SCHIP1: variants seen among roughly 807,000 people sequenced by gnomAD.
SCHIP1 encodes the protein schwannomin interacting protein 1.
SCHIP1 carries 8 observed loss-of-function variants against 29.7 expected under a neutral mutation model. The observed-to-expected ratio is 0.27, with a 90% CI of 0.16 to 0.49. SCHIP1 has a LOEUF of 0.49. Ranked by LOEUF, SCHIP1 falls within the 20% of genes least tolerant of loss-of-function variation. The pLI is 0.99. For missense variants in SCHIP1, 193 were observed against 294.6 expected, an observed-to-expected ratio of 0.66 and a Z score of 2.52; for synonymous variants, 76 against 94.9, an observed-to-expected ratio of 0.80 and a Z score of 1.16.
chr3:159,852,439 G>A (rs1488265423), intron 1 of SCHIP1, among the ~76,000 whole-genome samples: 1 of 152,170 alleles, frequency 6.6e-6, no homozygotes, highest in Non-Finnish European at 1.5e-5. Context: ...TGATGAGTGT[G>A]TGTTTGTATG....
intron 4 of SCHIP1, 81 bp from the exon 6 acceptor site, chr3:159,888,739 T>C: frequency 6.4e-7 from 1 of 1,555,490 alleles, no homozygotes; most frequent in Non-Finnish European, 8.7e-7. Flanking sequence ...GAGTGGGTCT[T>C]TTAAGAGAAA....
At chr3:159,757,102 T>C in the SCHIP1 span, among the ~76,000 whole-genome samples, 1 of 152,252 alleles carries the variant, frequency 6.6e-6, no homozygotes, top group Admixed American at 6.5e-5. Flanking sequence ...CATTTTCTGG[T>C]ATCTTTTCAG....
At chr3:159,448,703 AT>A in the SCHIP1 span, among the ~76,000 whole-genome samples, 1 of 152,182 alleles carries the variant, frequency 6.6e-6, no homozygotes, top group Non-Finnish European at 1.5e-5. Flanking sequence ...CGAAACTATC[AT>A]TTTGTAGATT....
the SCHIP1 span, among the ~76,000 whole-genome samples, chr3:159,466,875 T>G: frequency 6.6e-6 from 1 of 152,186 alleles, no homozygotes; most frequent in Non-Finnish European, 1.5e-5. Flanking sequence ...TAGCTCCAAG[T>G]TTTAAAAGTA....
At chr3:159,607,917 T>G in the SCHIP1 span, among the ~76,000 whole-genome samples, 3 of 152,184 alleles carry the variant, frequency 2.0e-5, no homozygotes, top group Non-Finnish European at 4.4e-5. Flanking sequence ...CACTTGTGGC[T>G]TAGCATGAAG....
the SCHIP1 span, among the ~76,000 whole-genome samples, chr3:159,372,741 G>T: frequency 6.6e-6 from 1 of 151,940 alleles, no homozygotes. Context: ...AATCAAAAGA[G>T]TAATAATATT....
chr3:159,473,705 G>C, the SCHIP1 span, among the ~76,000 whole-genome samples: 1 of 109,356 alleles, frequency 9.1e-6, no homozygotes, highest in Non-Finnish European at 2.0e-5. Context: ...GAAAAGAAAA[G>C]AAAAAGTAAA....
At chr3:159,609,724 C>T in the SCHIP1 span, among the ~76,000 whole-genome samples, 2 of 152,140 alleles carry the variant, frequency 1.3e-5, no homozygotes, top group African/African-American at 4.8e-5. Flanking sequence ...GCCCTACGAG[C>T]CCTGGACGAC....
At chr3:159,679,693 G>A in the SCHIP1 span, among the ~76,000 whole-genome samples, 1 of 152,072 alleles carries the variant, frequency 6.6e-6, no homozygotes, top group East Asian at 1.9e-4. Flanking sequence ...GGAGCACAGG[G>A]CTCTGGAGAA....
chr3:159,459,267 G>A, the SCHIP1 span, among the ~76,000 whole-genome samples: 1 of 151,934 alleles, frequency 6.6e-6, no homozygotes, highest in African/African-American at 2.4e-5. Flanking sequence ...TTATAATGCT[G>A]GGATCAAAGC....
the SCHIP1 span, among the ~76,000 whole-genome samples, chr3:159,753,553 A>G: frequency 3.3e-5 from 5 of 151,896 alleles, no homozygotes; most frequent in South Asian, 4.2e-4. Flanking sequence ...TAGTATTTCT[A>G]TTTCTCTCTG....
chr3:159,395,980 C>T, the SCHIP1 span, among the ~76,000 whole-genome samples: 1 of 152,054 alleles, frequency 6.6e-6, no homozygotes. Context: ...TCACTCAGGA[C>T]TTGCTTCATG....
chr3:159,737,698 G>C, the SCHIP1 span, among the ~76,000 whole-genome samples: 2 of 152,204 alleles, frequency 1.3e-5, no homozygotes, highest in African/African-American at 2.4e-5. Context: ...ATCAAACTCA[G>C]ATTTATGTGA....
intron 1 of SCHIP1, among the ~76,000 whole-genome samples, chr3:159,857,932 C>T (rs938665201): frequency 2.6e-5 from 4 of 152,186 alleles, no homozygotes; most frequent in Non-Finnish European, 5.9e-5. Context: ...GTCTTCTTGA[C>T]TCCAAATACT....
the SCHIP1 span, among the ~76,000 whole-genome samples, chr3:159,313,980 A>G: frequency 6.6e-5 from 10 of 152,212 alleles, no homozygotes; most frequent in African/African-American, 1.9e-4. Context: ...GCTGTGTCAT[A>G]TAAGGAGCCA....
chr3:159,337,407 G>T, the SCHIP1 span, among the ~76,000 whole-genome samples: 8 of 152,136 alleles, frequency 5.3e-5, no homozygotes, highest in African/African-American at 1.4e-4. Context: ...AGGTCAAATT[G>T]TCCTTGTTTG....
chr3:159,765,375 C>A, the SCHIP1 span: 10 of 474,700 alleles, frequency 2.1e-5, no homozygotes, highest in African/African-American at 2.0e-4. Context: ...CAGAGGGCAG[C>A]GGAAAGTCGG....
At chr3:159,713,291 G>GAA in the SCHIP1 span, among the ~76,000 whole-genome samples, 1 of 143,720 alleles carries the variant, frequency 7.0e-6, no homozygotes, top group Non-Finnish European at 1.5e-5. Context: ...AAAGAAAAAA[G>GAA]AAAAGAAAGA....
chr3:159,887,712 A>G, exon 4 of SCHIP1: 1 of 1,613,966 alleles, frequency 6.2e-7, no homozygotes, highest in Non-Finnish European at 8.5e-7. Context: ...TTGCAGAGCA[A>G]ACAGAGTTCT....
Sources: allele counts gnomAD v4.1 joint callset (sites outside exome capture counted in the v4.1 genomes callset), GRCh38; gene constraint gnomAD v4.1.1; transcripts MANE v1.5; gene names NCBI Gene and HGNC (gene_info 2026-07-23, HGNC 2026-07-21).